The following FAF1 variants were observed in gnomAD, a reference collection of about 807,000 sequenced individuals.
FAF1 encodes Fas associated factor 1.
A neutral mutation model predicts 92.5 loss-of-function variants in FAF1; 25 were observed. The observed-to-expected ratio is 0.27, with a 90% CI of 0.20 to 0.38. The LOEUF is 0.38. Ranked by LOEUF, FAF1 falls within the 10% of genes least tolerant of loss-of-function variation. FAF1 has a pLI of 1.00. For missense variants in FAF1, 636 were observed against 793.3 expected (o/e 0.80, Z 2.38); for synonymous variants, 234 against 273.2 (o/e 0.86, Z 1.42).
chr1:50,743,240 A>G lies in FAF1; in HGVS notation c.459+1444T>C, dbSNP rs1424938246. ...CTCCAAATTTCAAATGAACTCATAT[A>G]TAAGTACTTATAAACACAATGACTG... On this transcript the variant is annotated intron_variant, in intron 5 of 18. Transcript: ENST00000396153. Among the ~76,000 whole-genome samples the G allele has an allele frequency of 5.3e-5, 8 of 152,370 alleles. No individual in the cohort carries two copies. The East Asian group carries it at 1.3e-3, about 26-fold the overall frequency.
chr1:50,549,350 C>T (rs1649180369), intron 13 of FAF1, among the ~76,000 whole-genome samples: 1 of 152,002 alleles, frequency 6.6e-6, no homozygotes, highest in African/African-American at 2.4e-5. Context: ...ACTCTGTTGC[C>T]CAGGCTGGAG....
intron 12 of FAF1, among the ~76,000 whole-genome samples, chr1:50,570,083 G>A (rs969468352): frequency 1.3e-5 from 2 of 152,044 alleles, no homozygotes; most frequent in African/African-American, 2.4e-5. Context: ...CTATTATATC[G>A]CAGTTGTGAG....
chr1:50,917,752 C>T (rs1644931553), intron 1 of FAF1, among the ~76,000 whole-genome samples: 1 of 151,992 alleles, frequency 6.6e-6, no homozygotes, highest in Non-Finnish European at 1.5e-5. Flanking sequence ...CAAAATTACA[C>T]ATCAGGACCA....
intron 1 of FAF1, among the ~76,000 whole-genome samples, chr1:50,885,364 A>G (rs1644652325): frequency 6.7e-6 from 1 of 148,560 alleles, no homozygotes; most frequent in Non-Finnish European, 1.5e-5. Flanking sequence ...TTACATATCT[A>G]GGTGCCCCAG....
At chr1:50,525,163 G>A (rs1052437974) in intron 15 of FAF1, among the ~76,000 whole-genome samples, 1 of 152,208 alleles carries the variant, frequency 6.6e-6, no homozygotes, top group Non-Finnish European at 1.5e-5. Context: ...TGGGATTACA[G>A]GCGTGAGCCA....
chr1:50,539,582 T>G lies in FAF1; in HGVS notation c.1405+10A>C, dbSNP rs1490115084. On this transcript the variant is annotated intron_variant, in intron 14 of 18. Transcript: ENST00000396153. ...GGAAGGCTTTACTCTCCTTGTGACA[T>G]GTACTTTACCTTGTATCACATTCAA... 1.2e-6 allele frequency: 2 copies of G among 1,607,946 alleles called. No homozygotes were observed. Among genetic ancestry groups the G allele is most frequent in the South Asian group, 2.2e-5 (2 of 90,212 alleles).
chr1:50,931,822 C>CGAGAT (rs1407019508), intron 1 of FAF1, among the ~76,000 whole-genome samples: 1 of 151,134 alleles, frequency 6.6e-6, no homozygotes, highest in Non-Finnish European at 1.5e-5. Flanking sequence ...TGAAGTAAGC[C>CGAGAT]GAGATCGTGC....
At chr1:50,831,588 A>C (rs1644153472) in intron 2 of FAF1, among the ~76,000 whole-genome samples, 1 of 152,220 alleles carries the variant, frequency 6.6e-6, no homozygotes, top group Non-Finnish European at 1.5e-5. Context: ...TATGATCAAG[A>C]GAAAACAAGA....
chr1:50,802,945 G>A (rs531900937), intron 2 of FAF1, among the ~76,000 whole-genome samples: 38 of 152,294 alleles, frequency 2.5e-4, no homozygotes, highest in African/African-American at 9.1e-4. Flanking sequence ...CTGTTGAATG[G>A]AAATAAATAG....
At chr1:50,711,362 C>T (rs1167426168) in intron 6 of FAF1, among the ~76,000 whole-genome samples, 3 of 151,666 alleles carry the variant, frequency 2.0e-5, no homozygotes, top group African/African-American at 7.3e-5. Context: ...AGTTACTTTT[C>T]ATGTTTTAGT....
chr1:50,952,370 G>A (rs931294449), intron 1 of FAF1, among the ~76,000 whole-genome samples: 2 of 152,226 alleles, frequency 1.3e-5, no homozygotes, highest in Admixed American at 6.5e-5. Flanking sequence ...TCGGCCTCCC[G>A]AGGTGTCAAG....
intron 13 of FAF1, among the ~76,000 whole-genome samples, chr1:50,559,238 G>A (rs1271623002): frequency 1.3e-5 from 2 of 150,038 alleles, no homozygotes; most frequent in African/African-American, 2.5e-5. Context: ...GCAACAGAGC[G>A]AGACTCCGTC....
intron 6 of FAF1, among the ~76,000 whole-genome samples, chr1:50,728,566 G>A (rs1291152372): frequency 6.6e-6 from 1 of 151,908 alleles, no homozygotes; most frequent in East Asian, 1.9e-4. Flanking sequence ...TGAGGCAAGT[G>A]GATCACCTGA....
intron 8 of FAF1, among the ~76,000 whole-genome samples, chr1:50,598,060 G>A (rs1651913449): frequency 6.6e-6 from 1 of 152,124 alleles, no homozygotes; most frequent in South Asian, 2.1e-4. Flanking sequence ...TTGCAAGGCT[G>A]AGTCAGGAGG....
intron 4 of FAF1, among the ~76,000 whole-genome samples, chr1:50,767,171 A>G (rs1569913074): frequency 6.6e-6 from 1 of 152,214 alleles, no homozygotes; most frequent in Non-Finnish European, 1.5e-5. Flanking sequence ...GAATTTCAGA[A>G]GACAATCCAG....
At chr1:50,800,254 G>A (rs887328824) in intron 3 of FAF1, among the ~76,000 whole-genome samples, 5 of 152,126 alleles carry the variant, frequency 3.3e-5, no homozygotes, top group African/African-American at 1.2e-4. Flanking sequence ...GCTATTAATT[G>A]GATGATATAT....
chr1:50,866,021 C>A (rs1391362957), intron 1 of FAF1, among the ~76,000 whole-genome samples: 1 of 151,936 alleles, frequency 6.6e-6, no homozygotes, highest in Non-Finnish European at 1.5e-5. Context: ...GAGTTTGATA[C>A]CAGGGATGCC....
At chr1:50,564,063 A>G (rs1650056612) in intron 13 of FAF1, among the ~76,000 whole-genome samples, 1 of 152,186 alleles carries the variant, frequency 6.6e-6, no homozygotes, top group Admixed American at 6.5e-5. Context: ...ACTTAGTTTA[A>G]TATCCTTCAC....
chr1:50,634,826 TC>T (rs943968076), intron 8 of FAF1, among the ~76,000 whole-genome samples: 16 of 152,220 alleles, frequency 1.1e-4, no homozygotes, highest in African/African-American at 3.4e-4. Flanking sequence ...AAGACCTGTT[TC>T]CTGCCCTCAA....
Sources: allele counts gnomAD v4.1 joint callset (sites outside exome capture counted in the v4.1 genomes callset), GRCh38; gene constraint gnomAD v4.1.1; transcripts MANE v1.5; gene names NCBI Gene and HGNC (gene_info 2026-07-23, HGNC 2026-07-21).